MED12L: variants seen among roughly 807,000 people sequenced by gnomAD.
MED12L encodes the protein mediator of RNA polymerase II transcription subunit 12-like protein.
MED12L carries 60 observed loss-of-function variants against 281.3 expected under a neutral mutation model. The observed-to-expected ratio is 0.21, with a 90% CI of 0.17 to 0.26. The LOEUF is 0.26. MED12L is among the 10% of genes least tolerant of loss of function. The pLI, the probability that MED12L is intolerant of heterozygous loss-of-function variation, is 1.00. For synonymous variants in MED12L, 974 were observed against 987.2 expected (o/e 0.99, Z 0.25); for missense variants, 2,146 against 2,680.9 (o/e 0.80, Z 4.41).
At position 151,409,241 on chromosome 3, in the gene MED12L, A is replaced by G; in HGVS notation, c.5821-2A>G. The G allele has an allele frequency of 6.3e-7, 1 of 1,585,408 alleles. No homozygotes were observed. The highest frequency in any genetic ancestry group is 8.5e-7 in the Non-Finnish European group (1 of 1,171,180). ...AGAGTTTGCTTTGGCTTTGTTTTCC[A>G]GGGCCAGCCGGGGGACCAGGCTGCT... On this transcript the variant is annotated splice_acceptor_variant, in intron 39 of 44. Transcript: ENST00000687756. LOFTEE classifies it high-confidence loss of function.
chr3:151,152,444 A>C (rs1230712852), intron 5 of MED12L, among the ~76,000 whole-genome samples: 3 of 152,088 alleles, frequency 2.0e-5, no homozygotes, highest in African/African-American at 7.2e-5. Context: ...TTGATTCCGT[A>C]AATACTTATC....
At chr3:151,157,957 G>A (rs1021088087) in intron 6 of MED12L, among the ~76,000 whole-genome samples, 1 of 152,064 alleles carries the variant, frequency 6.6e-6, no homozygotes, top group African/African-American at 2.4e-5. Flanking sequence ...AAATCTATAT[G>A]TGCATAGAAT....
At chr3:151,275,758 C>CT (rs1365891490) in intron 16 of MED12L, among the ~76,000 whole-genome samples, 1 of 152,134 alleles carries the variant, frequency 6.6e-6, no homozygotes, top group Non-Finnish European at 1.5e-5. Context: ...TCTCATGCTA[C>CT]TTAGGAAGCT....
rs532347138 is a variant in MED12L, at chr3:151,193,710, A to G, written c.2250+44A>G. 4.9e-5 allele frequency: 72 copies of G among 1,469,382 alleles called. 1 individual carries two copies. In the South Asian group the frequency reaches 6.5e-4, roughly 13 times the overall value. The allele number at this position is 1,469,382 out of a possible 1,614,324, so 91.0% of individuals were successfully genotyped here. On this transcript the variant is annotated intron_variant, in intron 16 of 44. Coordinates refer to ENST00000687756, the MANE Select transcript of MED12L (RefSeq NM_001393769.1). The stretch of plus-strand genomic sequence containing the variant: ...TAATCTATACCCTGATTATTTTATT[A>G]TAAGATCAATAACTGTTGAACGTCA...
chr3:151,429,525 A>AT (rs1027522056), intron 43 of MED12L, among the ~76,000 whole-genome samples: 7 of 152,236 alleles, frequency 4.6e-5, no homozygotes, highest in African/African-American at 1.4e-4. Context: ...GAAGATCAAG[A>AT]TAAAAAAGTA....
At chr3:151,127,567 GGAAAGCACAACTAGT>G (rs1483176818) in intron 4 of MED12L, among the ~76,000 whole-genome samples, 2 of 152,040 alleles carry the variant, frequency 1.3e-5, no homozygotes, top group African/African-American at 4.8e-5. Context: ...TAAAAAAAAT[GGAAAGCACAACTAGT>G]GAAAGTTTTA....
At chr3:151,197,417 T>C (rs1484329939) in intron 16 of MED12L, among the ~76,000 whole-genome samples, 1 of 152,236 alleles carries the variant, frequency 6.6e-6, no homozygotes, top group East Asian at 1.9e-4. Flanking sequence ...CACCTCAGCC[T>C]CCCAAAGTGT....
At chr3:151,271,257 A>G (rs529504668) in intron 16 of MED12L, among the ~76,000 whole-genome samples, 3 of 152,362 alleles carry the variant, frequency 2.0e-5, no homozygotes, top group East Asian at 3.9e-4. Context: ...CAAGGAGCAC[A>G]TGAAAAGATT....
chr3:151,403,000 C>T (rs1715870538), intron 39 of MED12L, among the ~76,000 whole-genome samples: 1 of 150,788 alleles, frequency 6.6e-6, no homozygotes, highest in Non-Finnish European at 1.5e-5. Context: ...GCTGTCATTC[C>T]TTCCTTTTTC....
chr3:151,369,744 C>T (rs73008518), intron 26 of MED12L, among the ~76,000 whole-genome samples, 195 bp downstream of exon 26: 12,859 of 152,118 alleles, frequency 0.085, 1,831 homozygotes, highest in African/African-American at 0.29. Flanking sequence ...TATCTAGTGT[C>T]TCTGGGGGAA....
At chr3:151,159,796 G>C (rs1560105601) in intron 7 of MED12L, 36 bp from the exon 8 acceptor site, 1 of 1,585,258 alleles carries the variant, frequency 6.3e-7, no homozygotes, top group East Asian at 2.2e-5. Flanking sequence ...AGACGCATAA[G>C]ACATGACTGA....
rs753371226 is a variant in MED12L at position 151,434,077 on chromosome 3, A to C, written c.*1273A>C. The C allele has an allele frequency of 6.6e-6, 1 of 152,502 alleles. No individual in the cohort carries two copies. The highest frequency in any genetic ancestry group is 1.5e-5 in the Non-Finnish European group (1 of 68,028). 9.4% of individuals were successfully genotyped at this position (152,502 alleles called of 1,614,324 possible). ...GATGCATAAAATTTTGAATGTGAAA[A>C]TTGCAGGGCATTTTAAAACATATGT... On this transcript the variant is annotated 3_prime_UTR_variant, in exon 45 of 45. Coordinates refer to ENST00000687756, the MANE Select transcript of MED12L (RefSeq NM_001393769.1).
At chr3:151,390,393 T>C (rs1369779317) in intron 38 of MED12L, among the ~76,000 whole-genome samples, 1 of 152,246 alleles carries the variant, frequency 6.6e-6, no homozygotes, top group Non-Finnish European at 1.5e-5. Context: ...CTGTAAGATA[T>C]AAAAGTTGAT....
At chr3:151,226,751 T>G (rs1046688132) in intron 16 of MED12L, among the ~76,000 whole-genome samples, 1 of 152,236 alleles carries the variant, frequency 6.6e-6, no homozygotes, top group African/African-American at 2.4e-5. Context: ...TACTGCGGCA[T>G]AGAGAACCTC....
At position 151,327,968 on chromosome 3, in the gene MED12L, G is replaced by C. The variant is rs200506425; in HGVS notation, c.2251-22091G>C. ...TCTACGGAAGTCTCATCAATAAATAGAAGTTAACCCTATGTACAGTTGTCA... is the reference window on the plus strand; with the variant it reads ...TCTACGGAAGTCTCATCAATAAATACAAGTTAACCCTATGTACAGTTGTCA... On this transcript the variant is annotated intron_variant, in intron 16 of 44. Transcript: ENST00000687756. The C allele has an allele frequency of 1.1e-4, 164 of 1,468,604 alleles. 1 individual carries two copies. The Middle Eastern group carries it at 2.0e-3, about 18-fold the overall frequency. The allele number at this position is 1,468,604 out of a possible 1,614,324, so 91.0% of individuals were successfully genotyped here.
intron 39 of MED12L, among the ~76,000 whole-genome samples, chr3:151,401,877 C>T (rs1715725518): frequency 6.6e-6 from 1 of 152,062 alleles, no homozygotes; most frequent in Admixed American, 6.6e-5. Flanking sequence ...TCTGGTATTT[C>T]TCTGTTTATT....
chr3:151,396,877 A>G (rs1020244715), intron 39 of MED12L, among the ~76,000 whole-genome samples: 1 of 152,192 alleles, frequency 6.6e-6, no homozygotes, highest in African/African-American at 2.4e-5. Flanking sequence ...ATGACAAACG[A>G]TTTCAGCTAG....
chr3:151,417,566 A>G (rs1460475080), intron 43 of MED12L, among the ~76,000 whole-genome samples: 2 of 132,078 alleles, frequency 1.5e-5, no homozygotes, highest in Non-Finnish European at 3.1e-5. Context: ...GCTCACTGCA[A>G]CCTCCTCCTC....
chr3:151,375,994 G>A, intron 27 of MED12L, 32 bp from the exon 28 acceptor site: 2 of 1,171,346 alleles, frequency 1.7e-6, no homozygotes, highest in South Asian at 1.7e-5. Flanking sequence ...GAAAGCCAGT[G>A]CCTGTCAATC....
Sources: gnomAD v4.1 joint callset for allele counts (sites outside exome capture counted in the v4.1 genomes callset) on GRCh38, gnomAD v4.1.1 for gene constraint, MANE v1.5 for transcripts, NCBI Gene and HGNC (gene_info 2026-07-23, HGNC 2026-07-21) for gene names.